The following ZNF782 variants were observed in gnomAD, a reference collection of about 807,000 sequenced individuals.
ZNF782 encodes zinc finger protein 782.
Under a neutral mutation model 13.0 loss-of-function variants are expected in ZNF782, and 12 were observed. The ratio of observed to expected loss-of-function variants is 0.92; its 90% CI spans 0.59 to 1.50. ZNF782 has a LOEUF of 1.50. Among genes scored for constraint, ZNF782 ranks in the 40% most tolerant of loss-of-function variants. The pLI, the probability that ZNF782 is intolerant of heterozygous loss-of-function variation, is 0.00. For synonymous variants in ZNF782, 284 were observed against 283.0 expected (o/e 1.00, Z -0.04); for missense variants, 770 against 822.9 (o/e 0.94, Z 0.79).
intron 3 of ZNF782, 125 bp downstream of exon 3, chr9:96,851,822 G>T: frequency 1.0e-6 from 1 of 1,003,412 alleles, no homozygotes. Flanking sequence ...AGTTCATGGT[G>T]AAACTGTATA....
At chr9:96,876,989 AAAAAAG>A (rs1851901581), upstream of ZNF782, among the ~76,000 whole-genome samples, 3 of 148,102 alleles carry the variant, frequency 2.0e-5, no homozygotes, top group African/African-American at 7.8e-5. Flanking sequence ...AGAAGAAAAG[AAAAAAG>A]AAAAAAAAAT....
the ZNF782 span, chr9:96,889,192 G>A: frequency 1.3e-5 from 2 of 152,134 alleles, no homozygotes; most frequent in African/African-American, 2.4e-5. Flanking sequence ...TTCACCAAGC[G>A]AAATGCTGTC....
intron 4 of ZNF782, among the ~76,000 whole-genome samples, chr9:96,831,863 C>A (rs1268114041): frequency 6.6e-6 from 1 of 152,100 alleles, no homozygotes; most frequent in African/African-American, 2.4e-5. Context: ...GGTATACCTT[C>A]TTCTGTTCTT....
At chr9:96,901,166 G>GA in the ZNF782 span, among the ~76,000 whole-genome samples, 22 of 137,198 alleles carry the variant, frequency 1.6e-4, no homozygotes, top group South Asian at 1.8e-3. Context: ...TCTCGGGGTG[G>GA]AAAAAAAAAA....
At chr9:96,840,651 C>A (rs1208421051) in intron 4 of ZNF782, among the ~76,000 whole-genome samples, 1 of 152,004 alleles carries the variant, frequency 6.6e-6, no homozygotes, top group Admixed American at 6.6e-5. Flanking sequence ...TTTCTTCATA[C>A]AGTCTCATAC....
the ZNF782 span, among the ~76,000 whole-genome samples, chr9:96,917,611 T>C: frequency 6.6e-6 from 1 of 151,800 alleles, no homozygotes; most frequent in South Asian, 2.1e-4. Flanking sequence ...TTTGTATTTT[T>C]AGTAGAGACG....
chr9:96,820,320 C>T (rs991230752), intron 5 of ZNF782, among the ~76,000 whole-genome samples: 3 of 152,112 alleles, frequency 2.0e-5, no homozygotes, highest in East Asian at 1.9e-4. Context: ...CTACACATCA[C>T]AAAAGAAATT....
At chr9:96,870,640 G>A (rs537237853) in intron 1 of ZNF782, among the ~76,000 whole-genome samples, 1 of 152,344 alleles carries the variant, frequency 6.6e-6, no homozygotes, top group South Asian at 2.1e-4. Flanking sequence ...GCTGATAGCA[G>A]TGAACTATGT....
chr9:96,898,185 C>T, the ZNF782 span: 1 of 149,418 alleles, frequency 6.7e-6, no homozygotes, highest in African/African-American at 2.5e-5. Context: ...ATTTAAAACA[C>T]ACATTTCAGA....
chr9:96,890,569 A>T, the ZNF782 span: 2 of 152,224 alleles, frequency 1.3e-5, no homozygotes, highest in African/African-American at 4.8e-5. Flanking sequence ...CCACCACCAT[A>T]CTCATTCAAA....
chr9:96,818,385 T>C lies in ZNF782; in HGVS notation c.1638A>G (p.Lys546=). The C allele has an allele frequency of 6.2e-7, 1 of 1,613,738 alleles. No individual in the cohort carries two copies. The highest frequency in any genetic ancestry group is 8.5e-7 in the Non-Finnish European group (1 of 1,179,898). ...TTCTATGATGTCCTCTGAGTTGTGA[T>C]TTCTGACCGAAAGCTTTTCCACACT... is the stretch of plus-strand genomic sequence containing the variant. ...CNQCGKAFGQ[K]SQLRGHHRIH... The change falls in exon 6 of 6, where the codon AAA becomes AAG. Residue 546 remains lysine (K), a synonymous_variant. Transcript: ENST00000481138.
intron 5 of ZNF782, among the ~76,000 whole-genome samples, chr9:96,820,851 A>G (rs1480270580): frequency 1.3e-5 from 2 of 152,294 alleles, no homozygotes; most frequent in East Asian, 3.9e-4. Context: ...CATCCGGCCA[A>G]TAGTGAATCT....
chr9:96,886,295 C>T, the ZNF782 span, among the ~76,000 whole-genome samples: 1 of 150,054 alleles, frequency 6.7e-6, no homozygotes, highest in Non-Finnish European at 1.5e-5. Flanking sequence ...CAATAGCTCA[C>T]AAGTTGAAAC....
intron 4 of ZNF782, among the ~76,000 whole-genome samples, chr9:96,841,647 A>G (rs1043187456): frequency 1.3e-5 from 2 of 152,020 alleles, no homozygotes; most frequent in Non-Finnish European, 2.9e-5. Context: ...CAGTATATAC[A>G]TAAAAAGTAT....
intron 1 of ZNF782, among the ~76,000 whole-genome samples, chr9:96,868,286 T>C (rs1441037959): frequency 1.3e-5 from 2 of 152,252 alleles, no homozygotes; most frequent in Non-Finnish European, 2.9e-5. Flanking sequence ...AACTTTCCTG[T>C]ATTTTGTAGT....
intron 1 of ZNF782, among the ~76,000 whole-genome samples, chr9:96,853,460 G>A (rs1392324747): frequency 6.6e-6 from 1 of 152,152 alleles, no homozygotes. Context: ...CCTCGCAAGG[G>A]CTGCTCTGTT....
intron 4 of ZNF782, among the ~76,000 whole-genome samples, chr9:96,844,429 A>G (rs909509951): frequency 3.3e-5 from 5 of 152,274 alleles, no homozygotes; most frequent in African/African-American, 1.2e-4. Flanking sequence ...AACCACTTAT[A>G]CACACATGTG....
At chr9:96,842,110 C>T (rs1851206340) in intron 4 of ZNF782, among the ~76,000 whole-genome samples, 1 of 151,850 alleles carries the variant, frequency 6.6e-6, no homozygotes, top group African/African-American at 2.4e-5. Context: ...ATTACTCAAC[C>T]AAATGAAATA....
intron 4 of ZNF782, among the ~76,000 whole-genome samples, chr9:96,837,614 T>C (rs1851041985): frequency 6.6e-6 from 1 of 152,200 alleles, no homozygotes; most frequent in Non-Finnish European, 1.5e-5. Context: ...AGACGTGAAG[T>C]TAGGTTATTA....
Sources: gnomAD v4.1 joint callset for allele counts (sites outside exome capture counted in the v4.1 genomes callset) on GRCh38, gnomAD v4.1.1 for gene constraint, MANE v1.5 for transcripts, NCBI Gene and HGNC (gene_info 2026-07-23, HGNC 2026-07-21) for gene names.